FMNL3: variants seen among roughly 807,000 people sequenced by gnomAD.
FMNL3 encodes formin-like protein 3.
FMNL3 carries 57 observed loss-of-function variants against 119.6 expected under a neutral mutation model. The ratio of observed to expected loss-of-function variants is 0.48; its 90% CI spans 0.39 to 0.59. FMNL3 has a LOEUF of 0.59. FMNL3 is among the 20% of genes least tolerant of loss of function. FMNL3 has a pLI of 0.00. For missense variants in FMNL3, 1,053 were observed against 1,323.5 expected, an observed-to-expected ratio of 0.80 and a Z score of 3.17; for synonymous variants, 491 against 507.3, an observed-to-expected ratio of 0.97 and a Z score of 0.43.
At chr12:49,689,527 G>A (rs1396404641) in intron 1 of FMNL3, among the ~76,000 whole-genome samples, 1 of 152,132 alleles carries the variant, frequency 6.6e-6, no homozygotes, top group East Asian at 1.9e-4. Context: ...CTTGAGCCCA[G>A]GAGTTCAAGA....
In FMNL3 at chr12:49,636,819, CCAA is replaced by C; in HGVS notation, c.*8993_*8995del. ...AGCGGGCCCGGCTTCGGGAGCGACGCCAACAACGCAAGAATCGGGAGGCCTTCC... is the reference window on the plus strand; with the variant it reads ...AGCGGGCCCGGCTTCGGGAGCGACGCCAACGCAAGAATCGGGAGGCCTTCC... On this transcript the variant is annotated 3_prime_UTR_variant, in exon 26 of 26. Coordinates refer to ENST00000335154, the MANE Select transcript of FMNL3 (RefSeq NM_175736.5). 6.2e-7 allele frequency: 1 copy of C among 1,614,178 alleles called. No homozygotes were observed. The highest frequency in any genetic ancestry group is 8.5e-7 in the Non-Finnish European group (1 of 1,180,028).
intron 4 of FMNL3, 108 bp downstream of exon 4, chr12:49,665,724 T>C (rs746047789): frequency 8.4e-7 from 1 of 1,189,834 alleles, no homozygotes; most frequent in South Asian, 1.2e-5. Context: ...CTCTGCCCCA[T>C]GGCAGGGAAG....
chr12:49,655,119 G>T, intron 9 of FMNL3, 135 bp from the exon 10 acceptor site: 1 of 748,530 alleles, frequency 1.3e-6, no homozygotes, highest in Non-Finnish European at 2.2e-6. Flanking sequence ...TATGAAATAG[G>T]CCATTCTGGA....
rs3751214 is a variant in FMNL3 at position 49,643,698 on chromosome 12, C to T, written c.*2117G>A. Reference sequence around the variant, plus strand: ...GGATTTTTCTATCTCTAGATCATGGCCTTCGGAAAGCCAAGAAACCAAAAA... The same window carrying T: ...GGATTTTTCTATCTCTAGATCATGGTCTTCGGAAAGCCAAGAAACCAAAAA... On this transcript the variant is annotated 3_prime_UTR_variant, in exon 26 of 26. Transcript: ENST00000335154. The T allele has an allele frequency of 1.4e-5, 23 of 1,613,890 alleles. No individual in the cohort carries two copies. The East Asian group carries it at 4.5e-4, about 31-fold the overall frequency.
chr12:49,665,980 C>T, intron 3 of FMNL3, 72 bp from the exon 4 acceptor site: 1 of 1,561,294 alleles, frequency 6.4e-7, no homozygotes, highest in Non-Finnish European at 8.8e-7. Context: ...ACTGGCCAGC[C>T]ATTCCAGGCC....
chr12:49,697,445 G>A (rs1040445718), intron 1 of FMNL3, among the ~76,000 whole-genome samples: 4 of 152,144 alleles, frequency 2.6e-5, no homozygotes, highest in Admixed American at 1.3e-4. Context: ...CTCAGTAGGG[G>A]TGCCAATCAC....
At chr12:49,700,155 G>C (rs11169111) in intron 1 of FMNL3, among the ~76,000 whole-genome samples, 31,826 of 151,910 alleles carry the variant, frequency 0.21, 5,483 homozygotes, top group African/African-American at 0.48. Context: ...CACTTTGGGA[G>C]GCCGAGGCAG....
At chr12:49,696,648 T>C (rs1364135291) in intron 1 of FMNL3, among the ~76,000 whole-genome samples, 1 of 152,234 alleles carries the variant, frequency 6.6e-6, no homozygotes, top group East Asian at 1.9e-4. Flanking sequence ...CATCCTATTA[T>C]CTCCACCTGG....
intron 1 of FMNL3, among the ~76,000 whole-genome samples, chr12:49,675,189 C>A (rs1454000441): frequency 6.6e-6 from 1 of 152,172 alleles, no homozygotes; most frequent in Admixed American, 6.5e-5. Flanking sequence ...TCTGGCCTGC[C>A]CAGTCAAAAA....
rs1488172164 is a variant in FMNL3 at position 49,666,129 on chromosome 12, T to G, written c.289A>C (p.Lys97Gln). 1 of 1,613,842 alleles carries G rather than the reference T, an allele frequency of 6.2e-7. No homozygotes were observed. The highest frequency in any genetic ancestry group is 1.3e-5 in the African/African-American group (1 of 74,912). Residue 97 changes from lysine to glutamine, a missense_variant and splice_region_variant, in exon 3 of 26, where the codon AAG becomes CAG. By Grantham distance (53) the Lys-to-Gln change is moderately conservative. Around this residue, in one of 4 missense-constraint regions of FMNL3, gnomAD observed 264 missense variants for 265.5 expected, o/e 0.99. Transcript: ENST00000335154. Reference protein sequence around the residue: ...QSFLDPSVTRKKFRRRVQEST... With the variant: ...QSFLDPSVTRQKFRRRVQEST... The stretch of plus-strand genomic sequence containing the variant: ...GGACTCTCTGCCTCATACTTCACCT[T>G]CCGAGTTACACTGGGGTCCAAGAAG...
intron 2 of FMNL3, among the ~76,000 whole-genome samples, chr12:49,666,766 C>T (rs1484782237): frequency 2.0e-5 from 3 of 151,946 alleles, no homozygotes; most frequent in Admixed American, 1.3e-4. Flanking sequence ...CATTGCACTC[C>T]AGCCTGGGCA....
chr12:49,644,103 G>A lies in FMNL3; in HGVS notation c.*1712C>T. ...AACTGTGCCTTTGCTCCAACAGACA[G>A]GCTGGGACACGTCAGAAAGTGAGCT... On this transcript the variant is annotated 3_prime_UTR_variant, in exon 26 of 26. Coordinates refer to ENST00000335154, the MANE Select transcript of FMNL3 (RefSeq NM_175736.5). 2 of 1,614,220 alleles carry A rather than the reference G, an allele frequency of 1.2e-6. No homozygotes were observed. The highest frequency in any genetic ancestry group is 1.7e-6 in the Non-Finnish European group (2 of 1,180,048).
chr12:49,642,550 G>C lies in FMNL3; in HGVS notation c.*3265C>G. On this transcript the variant is annotated 3_prime_UTR_variant, in exon 26 of 26. Transcript: ENST00000335154. The surrounding 1 kb of genome is among the most constrained non-coding windows in gnomAD (Gnocchi z 5.8). ...TCCAGGCCAGGCTGAGTGGGGCCTAGTCTGATCAGCAGTGCTCTCCTCGTT... is the reference window on the plus strand; with the variant it reads ...TCCAGGCCAGGCTGAGTGGGGCCTACTCTGATCAGCAGTGCTCTCCTCGTT... The C allele has an allele frequency of 6.2e-7, 1 of 1,612,734 alleles. No homozygotes were observed. The highest frequency in any genetic ancestry group is 8.5e-7 in the Non-Finnish European group (1 of 1,178,820).
intron 1 of FMNL3, among the ~76,000 whole-genome samples, chr12:49,676,342 C>A (rs1482948618): frequency 6.6e-6 from 1 of 152,142 alleles, no homozygotes; most frequent in Non-Finnish European, 1.5e-5. Context: ...ATATAACCTT[C>A]TTTTCTCCTT....
chr12:49,672,811 G>A (rs1434183328), intron 1 of FMNL3, among the ~76,000 whole-genome samples: 1 of 152,174 alleles, frequency 6.6e-6, no homozygotes, highest in Non-Finnish European at 1.5e-5. Flanking sequence ...CCCCTACTCT[G>A]ACAGTCTTCT....
chr12:49,637,587 A>G lies in FMNL3; in HGVS notation c.*8228T>C. The G allele has an allele frequency of 6.2e-7, 1 of 1,612,790 alleles. No individual in the cohort carries two copies. ...TGCCAACATGCTGGGCCAGCCGGGT[A>G]AGGCAGCCAGGCTCCCCCTTCTCTG... On this transcript the variant is annotated 3_prime_UTR_variant, in exon 26 of 26. Transcript: ENST00000335154.
intron 7 of FMNL3, 39 bp downstream of exon 7, chr12:49,657,043 G>A (rs751290149): frequency 6.3e-7 from 1 of 1,593,604 alleles, no homozygotes; most frequent in South Asian, 1.1e-5. Flanking sequence ...AGATGAGGCA[G>A]AAGAAGTAGA....
intron 1 of FMNL3, among the ~76,000 whole-genome samples, chr12:49,682,440 C>G (rs1021939307): frequency 6.6e-6 from 1 of 152,156 alleles, no homozygotes; most frequent in African/African-American, 2.4e-5. Context: ...AACTCCTGGA[C>G]TGTTACAATC....
In FMNL3 at chr12:49,652,219, G is replaced by T; in HGVS notation, c.1324-7C>A. 1 of 1,610,554 alleles carries T rather than the reference G, an allele frequency of 6.2e-7. No individual in the cohort carries two copies. The highest frequency in any genetic ancestry group is 8.5e-7 in the Non-Finnish European group (1 of 1,178,598). Reference sequence around the variant, plus strand: ...TTGTGTTCTCATATGTCTCCTGGCAGGCAGACAGCACCATTAAGGGAAAAG... The same window carrying T: ...TTGTGTTCTCATATGTCTCCTGGCATGCAGACAGCACCATTAAGGGAAAAG... On this transcript the variant is annotated splice_polypyrimidine_tract_variant and splice_region_variant and intron_variant, in intron 13 of 25. Coordinates refer to ENST00000335154, the MANE Select transcript of FMNL3 (RefSeq NM_175736.5).
Sources: gnomAD v4.1 joint callset for allele counts (sites outside exome capture counted in the v4.1 genomes callset) on GRCh38, gnomAD v4.1.1 for gene constraint, gnomAD v4.1.1 regional missense constraint, Gnocchi (gnomAD v3.1) non-coding constraint, MANE v1.5 for transcripts, NCBI Gene and HGNC (gene_info 2026-07-23, HGNC 2026-07-21) for gene names.